Variants in GRID1 observed in about 807,000 individuals in gnomAD.
The protein encoded by GRID1 is glutamate ionotropic receptor delta type subunit 1, also known as glutamate receptor ionotropic, delta-1.
In GRID1, 28 loss-of-function variants were observed where a neutral mutation model predicts 98.0. That is an observed-to-expected ratio of 0.29 (90% CI 0.21 to 0.39). GRID1 has a LOEUF of 0.39. Ranked by LOEUF, GRID1 falls within the 10% of genes least tolerant of loss-of-function variation. GRID1 has a pLI of 1.00. For missense variants in GRID1, 1,111 were observed against 1,340.5 expected (o/e 0.83, Z 2.67); for synonymous variants, 553 against 538.5 (o/e 1.03, Z -0.37).
intron 5 of GRID1, among the ~76,000 whole-genome samples, chr10:85,900,645 C>T (rs1263883583): frequency 6.6e-6 from 1 of 152,162 alleles, no homozygotes; most frequent in Non-Finnish European, 1.5e-5. Flanking sequence ...GGAGTTGGAA[C>T]TTGAACTGTA....
At position 85,724,366 on chromosome 10, in the gene GRID1, G is replaced by C. The variant is rs756136738; in HGVS notation, c.1844C>G (p.Ala615Gly). Residue 615 changes from alanine (A) to glycine (G), a missense_variant, in exon 11 of 16, where the codon GCC becomes GGC. By Grantham distance (60) the Ala-to-Gly change is moderately conservative. Transcript: ENST00000327946. ...LHSAIWIVYG[A>G]FVQQGGESSV... ...CAGAAAGGTACCTTGCTGTACGAAG[G>C]CTCCATAGACAATCCAGATGGCGCT... 2 of 1,612,990 alleles carry C rather than the reference G, an allele frequency of 1.2e-6. No individual in the cohort carries two copies. The highest frequency in any genetic ancestry group is 8.5e-7 in the Non-Finnish European group (1 of 1,179,138).
intron 5 of GRID1, among the ~76,000 whole-genome samples, chr10:85,895,279 T>A (rs1031138571): frequency 1.1e-4 from 16 of 151,978 alleles, no homozygotes; most frequent in Non-Finnish European, 1.5e-4. Flanking sequence ...CCACCTTTTT[T>A]CCTTTTTCCT....
At chr10:85,892,169 A>C (rs1280204136) in intron 5 of GRID1, among the ~76,000 whole-genome samples, 1 of 151,074 alleles carries the variant, frequency 6.6e-6, no homozygotes, top group Non-Finnish European at 1.5e-5. Flanking sequence ...ACTTGAAAGT[A>C]TGGCAACAGA....
At chr10:85,693,737 A>G (rs552808831) in intron 12 of GRID1, among the ~76,000 whole-genome samples, 58 of 152,278 alleles carry the variant, frequency 3.8e-4, no homozygotes, top group Non-Finnish European at 6.6e-4. Context: ...GCCATATGCA[A>G]AAGAATGAAG....
chr10:85,947,701 C>T (rs1333871470), intron 4 of GRID1, among the ~76,000 whole-genome samples: 1 of 152,198 alleles, frequency 6.6e-6, no homozygotes, highest in Non-Finnish European at 1.5e-5. Flanking sequence ...ACCAAATCTG[C>T]TGAGAAGAGA....
intron 2 of GRID1, among the ~76,000 whole-genome samples, chr10:86,303,360 A>G (rs1335178406): frequency 6.6e-6 from 1 of 152,238 alleles, no homozygotes; most frequent in Non-Finnish European, 1.5e-5. Flanking sequence ...AAATATAAGG[A>G]AAGAACCTCT....
At chr10:86,106,739 ATG>A (rs1447215518) in intron 4 of GRID1, among the ~76,000 whole-genome samples, 1 of 152,108 alleles carries the variant, frequency 6.6e-6, no homozygotes, top group Non-Finnish European at 1.5e-5. Flanking sequence ...GTGCACGGGC[ATG>A]TCTACGGAAG....
chr10:86,139,305 T>C (rs558264377), intron 3 of GRID1, among the ~76,000 whole-genome samples: 8 of 152,272 alleles, frequency 5.3e-5, no homozygotes, highest in Non-Finnish European at 1.0e-4. Context: ...TGACAAGCTC[T>C]CTTTCTTTCC....
chr10:85,842,980 C>T (rs910490791), intron 8 of GRID1, among the ~76,000 whole-genome samples: 11 of 151,950 alleles, frequency 7.2e-5, no homozygotes, highest in Non-Finnish European at 1.3e-4. Context: ...ACCCCTACAC[C>T]TCAATATTCT....
chr10:85,859,588 C>T (rs1482799002), intron 6 of GRID1, among the ~76,000 whole-genome samples: 1 of 152,196 alleles, frequency 6.6e-6, no homozygotes, highest in Admixed American at 6.5e-5. Flanking sequence ...GTTCAAACAG[C>T]AATTTGTTCT....
intron 8 of GRID1, among the ~76,000 whole-genome samples, chr10:85,769,111 T>C (rs1842227721): frequency 6.6e-6 from 1 of 152,232 alleles, no homozygotes; most frequent in Admixed American, 6.5e-5. Context: ...CAAGAAGTTC[T>C]TTCTGAACTA....
At chr10:86,358,080 A>G (rs1333751319) in intron 2 of GRID1, among the ~76,000 whole-genome samples, 2 of 152,158 alleles carry the variant, frequency 1.3e-5, no homozygotes, top group Admixed American at 6.5e-5. Context: ...GCAGCAGCCA[A>G]GCCCAGGAAA....
intron 12 of GRID1, among the ~76,000 whole-genome samples, chr10:85,683,609 CTT>C (rs1230315816): frequency 1.3e-5 from 2 of 152,188 alleles, no homozygotes; most frequent in East Asian, 3.8e-4. Flanking sequence ...ATCCTTGTAA[CTT>C]TAGCTTTTCA....
intron 4 of GRID1, among the ~76,000 whole-genome samples, chr10:86,127,497 C>T (rs1185772163): frequency 6.6e-6 from 1 of 152,168 alleles, no homozygotes; most frequent in Non-Finnish European, 1.5e-5. Flanking sequence ...TCTCACCCTG[C>T]TCCTGAAAAA....
chr10:86,285,878 T>G (rs1258142395), intron 2 of GRID1, among the ~76,000 whole-genome samples: 1 of 152,256 alleles, frequency 6.6e-6, no homozygotes, highest in Non-Finnish European at 1.5e-5. Context: ...AAAAGACGTT[T>G]GAGCAAAACC....
intron 4 of GRID1, among the ~76,000 whole-genome samples, chr10:85,933,280 T>C (rs1309125423): frequency 8.3e-6 from 1 of 120,808 alleles, no homozygotes; most frequent in Non-Finnish European, 1.7e-5. Flanking sequence ...TAAATCTCTG[T>C]TCTTTAAAAA....
intron 4 of GRID1, among the ~76,000 whole-genome samples, chr10:86,062,833 C>T (rs1044605826): frequency 1.3e-5 from 2 of 152,378 alleles, no homozygotes; most frequent in African/African-American, 2.4e-5. Context: ...GTCCTGTGGC[C>T]GTGGCTGACC....
intron 12 of GRID1, among the ~76,000 whole-genome samples, chr10:85,720,791 TC>T (rs2132647831): frequency 6.6e-6 from 1 of 152,070 alleles, no homozygotes; most frequent in South Asian, 2.1e-4. Context: ...AAGTAGAAAA[TC>T]TTCGGGGTCT....
Position 86,231,921 on chromosome 10 carries a change from A to C in GRID1, c.236-25273T>G, listed in dbSNP as rs61857816. On this transcript the variant is annotated intron_variant, in intron 2 of 15. Transcript: ENST00000327946. The stretch of plus-strand genomic sequence containing the variant: ...TCCCCGAGGCTGGCACACAGAACAC[A>C]CTCAACAAATGCTCATTGGGTGAGG... Among the ~76,000 whole-genome samples the C allele has an allele frequency of 2.2e-3, 335 of 152,182 alleles. 2 individuals are homozygous for C. The highest frequency in any genetic ancestry group is 4.3e-3 in the Non-Finnish European group (292 of 68,004).
Sources: gnomAD v4.1 joint callset for allele counts (sites outside exome capture counted in the v4.1 genomes callset) on GRCh38, gnomAD v4.1.1 for gene constraint, MANE v1.5 for transcripts, NCBI Gene and HGNC (gene_info 2026-07-23, HGNC 2026-07-21) for gene names.